STK31: variants seen among roughly 807,000 people sequenced by gnomAD.
STK31 encodes serine/threonine-protein kinase 31.
Under a neutral mutation model 129.7 loss-of-function variants are expected in STK31, and 89 were observed. That is an observed-to-expected ratio of 0.69 (90% CI 0.58 to 0.82). The LOEUF (loss-of-function observed/expected upper bound fraction) is 0.82. STK31 is among the 40% of genes least tolerant of loss of function. The pLI is 0.00. For missense variants in STK31, 1,187 were observed against 1,176.4 expected, an observed-to-expected ratio of 1.01 and a Z score of -0.13; for synonymous variants, 448 against 395.3, an observed-to-expected ratio of 1.13 and a Z score of -1.58.
chr7:23,805,678 T>C (rs1003355168), intron 22 of STK31, among the ~76,000 whole-genome samples: 3 of 152,004 alleles, frequency 2.0e-5, no homozygotes, highest in Non-Finnish European at 2.9e-5. Context: ...AAAGATGGGG[T>C]TTCACCATGT....
rs748761897 is a variant in STK31 at position 23,772,219 on chromosome 7, T to C, written c.1906T>C (p.Leu636=). ...TCACTTGCTATCCATTAAGAAGACA[T>C]TGAAAAGCTTAAAAGCTCTACTCAG... ...VDHLLSIKKT[L]KSLKALLRWK... Residue 636 remains leucine, a synonymous_variant, in exon 15 of 24, where the codon TTG becomes CTG. Transcript: ENST00000355870. 1.1e-5 allele frequency: 18 copies of C among 1,608,522 alleles called. No homozygotes were observed. Among genetic ancestry groups the C allele is most frequent in the African/African-American group, 6.7e-5 (5 of 74,562 alleles).
chr7:23,830,591 G>GT (rs1396766217), intron 23 of STK31, among the ~76,000 whole-genome samples: 2 of 75,054 alleles, frequency 2.7e-5, no homozygotes, highest in South Asian at 3.8e-4. Context: ...TAATTTCCAT[G>GT]TTGTGTGTGT....
chr7:23,813,187 A>G (rs1793259482), intron 22 of STK31, among the ~76,000 whole-genome samples: 1 of 144,922 alleles, frequency 6.9e-6, no homozygotes, highest in African/African-American at 2.5e-5. Flanking sequence ...CTGTCATTTC[A>G]ATTTATCCCA....
At chr7:23,766,257 A>G (rs1002708667) in intron 11 of STK31, among the ~76,000 whole-genome samples, 6 of 152,050 alleles carry the variant, frequency 3.9e-5, no homozygotes, top group Non-Finnish European at 8.8e-5. Context: ...TTTCATTTCT[A>G]TCATTTTATT....
At chr7:23,754,517 A>G (rs1217589648) in intron 10 of STK31, 43 bp downstream of exon 10, 1 of 1,532,058 alleles carries the variant, frequency 6.5e-7, no homozygotes, top group South Asian at 1.2e-5. Flanking sequence ...TATCTGTTGA[A>G]CATAAGGAAG....
chr7:23,746,931 A>C (rs565444309), intron 8 of STK31, among the ~76,000 whole-genome samples: 8 of 152,046 alleles, frequency 5.3e-5, no homozygotes, highest in Non-Finnish European at 1.0e-4. Context: ...TTTTTTCTCA[A>C]TAAGTTATAC....
At chr7:23,726,704 ATAAAG>A (rs1421209564) in intron 4 of STK31, among the ~76,000 whole-genome samples, 3 of 152,092 alleles carry the variant, frequency 2.0e-5, no homozygotes, top group Admixed American at 2.0e-4. Flanking sequence ...GAGATATAAA[ATAAAG>A]TACAGTATTA....
chr7:23,807,247 C>G (rs978457275), intron 22 of STK31, among the ~76,000 whole-genome samples: 6 of 152,056 alleles, frequency 3.9e-5, no homozygotes, highest in Non-Finnish European at 7.4e-5. Flanking sequence ...CTACTGGTGA[C>G]AAATTTTTAG....
At chr7:23,741,776 C>G (rs965974893) in intron 8 of STK31, among the ~76,000 whole-genome samples, 2 of 152,156 alleles carry the variant, frequency 1.3e-5, no homozygotes, top group African/African-American at 4.8e-5. Context: ...GGAGTGTGTT[C>G]TACTCAAGTG....
chr7:23,789,809 C>G (rs928747746), intron 21 of STK31, among the ~76,000 whole-genome samples: 1 of 152,044 alleles, frequency 6.6e-6, no homozygotes, highest in Non-Finnish European at 1.5e-5. Context: ...TTTAGTCATT[C>G]GTCATCTGTT....
At chr7:23,778,783 C>T (rs902653573) in intron 15 of STK31, among the ~76,000 whole-genome samples, 1 of 152,048 alleles carries the variant, frequency 6.6e-6, no homozygotes, top group Non-Finnish European at 1.5e-5. Context: ...AGAACATGCT[C>T]CTTTAGCTCG....
At chr7:23,810,742 AATAGATATATATAAT>A (rs1229456995) in intron 22 of STK31, among the ~76,000 whole-genome samples, 17 of 124,794 alleles carry the variant, frequency 1.4e-4, no homozygotes, top group Non-Finnish European at 2.5e-4. Context: ...ATATATATAA[AATAGATATATATAAT>A]ATATAATATA....
chr7:23,712,627 A>G (rs369300761), intron 3 of STK31, among the ~76,000 whole-genome samples: 1 of 152,178 alleles, frequency 6.6e-6, no homozygotes, highest in Non-Finnish European at 1.5e-5. Flanking sequence ...GGGGTCTTTT[A>G]TAAGATTGTT....
chr7:23,723,458 C>T (rs1365391746), intron 4 of STK31, among the ~76,000 whole-genome samples: 1 of 152,124 alleles, frequency 6.6e-6, no homozygotes, highest in African/African-American at 2.4e-5. Context: ...TGTGCCTGAC[C>T]TATGACTGTG....
chr7:23,721,679 C>A, intron 4 of STK31: 1 of 802,604 alleles, frequency 1.2e-6, no homozygotes, highest in South Asian at 1.3e-5. Context: ...GGGAGGGAGT[C>A]CCACAGAATC....
At chr7:23,812,729 T>C (rs1296988679) in intron 22 of STK31, among the ~76,000 whole-genome samples, 2 of 149,330 alleles carry the variant, frequency 1.3e-5, no homozygotes, top group Admixed American at 1.3e-4. Context: ...CATATGCACA[T>C]TTTATTTAGC....
chr7:23,830,336 A>T (rs901426290), intron 23 of STK31, among the ~76,000 whole-genome samples: 1 of 151,874 alleles, frequency 6.6e-6, no homozygotes, highest in Admixed American at 6.6e-5. Context: ...AATATGTATC[A>T]GGTTGTTTAT....
chr7:23,725,438 G>A (rs757459332), intron 4 of STK31, among the ~76,000 whole-genome samples: 1 of 151,366 alleles, frequency 6.6e-6, no homozygotes, highest in South Asian at 2.1e-4. Context: ...AGATATTTGG[G>A]AGGCTGAAGC....
chr7:23,791,738 A>G (rs1791631404), intron 22 of STK31, among the ~76,000 whole-genome samples: 1 of 152,254 alleles, frequency 6.6e-6, no homozygotes, highest in Non-Finnish European at 1.5e-5. Context: ...TTGATCACAT[A>G]AATAAAAATA....
Sources: allele counts gnomAD v4.1 joint callset (sites outside exome capture counted in the v4.1 genomes callset), GRCh38; gene constraint gnomAD v4.1.1; transcripts MANE v1.5; gene names NCBI Gene and HGNC (gene_info 2026-07-23, HGNC 2026-07-21).